HBA2: variants seen among roughly 807,000 people sequenced by gnomAD.
The protein encoded by HBA2 is hemoglobin subunit alpha 2.
A neutral mutation model predicts 5.6 loss-of-function variants in HBA2; 9 were observed. The observed-to-expected ratio is 1.60, with a 90% CI of 0.97 to 2.80. HBA2 has a LOEUF of 2.80. Among genes scored for constraint, HBA2 ranks in the 30% most tolerant of loss-of-function variants. The pLI is 0.00. For synonymous variants in HBA2, 38 were observed against 73.4 expected (o/e 0.52, Z 2.47); for missense variants, 86 against 152.1 (o/e 0.57, Z 2.29).
Position 173,335 on chromosome 16 carries a change from C to A in HBA2, c.300+6C>A. 1 of 1,583,804 alleles carries A rather than the reference C, an allele frequency of 6.3e-7. No homozygotes were observed. The highest frequency in any genetic ancestry group is 8.5e-7 in the Non-Finnish European group (1 of 1,171,476). ...TGGACCCGGTCAACTTCAAGGTGAG[C>A]GGCGGGCCGGGAGCGATCTGGGTCG... On this transcript the variant is annotated splice_donor_region_variant and intron_variant, in intron 2 of 2. Transcript: ENST00000251595.
chr16:173,657 C>T lies in HBA2; in HGVS notation c.*57C>T. 1 of 1,600,054 alleles carries T rather than the reference C, an allele frequency of 6.2e-7. No individual in the cohort carries two copies. Among genetic ancestry groups the T allele is most frequent in the Non-Finnish European group, 8.5e-7 (1 of 1,174,660 alleles). On this transcript the variant is annotated 3_prime_UTR_variant, in exon 3 of 3. Coordinates refer to ENST00000251595, the MANE Select transcript of HBA2 (RefSeq NM_000517.6). Reference sequence around the variant, plus strand: ...GCTGGGCCTCCCAACGGGCCCTCCTCCCCTCCTTGCACCGGCCCTTCCTGG... The same window carrying T: ...GCTGGGCCTCCCAACGGGCCCTCCTTCCCTCCTTGCACCGGCCCTTCCTGG...
rs1354539076 is a variant in HBA2, at chr16:173,338, C to A, written c.300+9C>A. The A allele has an allele frequency of 2.5e-6, 4 of 1,586,812 alleles. No individual in the cohort carries two copies. Among genetic ancestry groups the A allele is most frequent in the Middle Eastern group, 2.1e-4 (1 of 4,668 alleles). On this transcript the variant is annotated intron_variant, in intron 2 of 2. Coordinates refer to ENST00000251595, the MANE Select transcript of HBA2 (RefSeq NM_000517.6). ...ACCCGGTCAACTTCAAGGTGAGCGG[C>A]GGGCCGGGAGCGATCTGGGTCGAGG...
rs111264741 is a variant in HBA2, at chr16:173,393, A to G, written c.300+64A>G. ...AGATGGCGCCTTCCTCTCAGGGCAGAGGATCACGCGGGTTGCGGGAGGTGT... is the reference window on the plus strand; with the variant it reads ...AGATGGCGCCTTCCTCTCAGGGCAGGGGATCACGCGGGTTGCGGGAGGTGT... On this transcript the variant is annotated intron_variant, in intron 2 of 2. Transcript: ENST00000251595. The G allele has an allele frequency of 4.4e-4, 704 of 1,604,758 alleles. 97 individuals carry two copies. In the African/African-American group the frequency reaches 9.0e-3, roughly 21 times the overall value.
In HBA2 at chr16:173,677, T is replaced by C. The variant is rs3209698; in HGVS notation, c.*77T>C. The stretch of plus-strand genomic sequence containing the variant: ...CTCCTCCCCTCCTTGCACCGGCCCT[T>C]CCTGGTCTTTGAATAAAGTCTGAGT... On this transcript the variant is annotated 3_prime_UTR_variant, in exon 3 of 3. Transcript: ENST00000251595. 6.3e-7 allele frequency: 1 copy of C among 1,576,960 alleles called. No homozygotes were observed. The highest frequency in any genetic ancestry group is 8.6e-7 in the Non-Finnish European group (1 of 1,158,406).
Position 172,898 on chromosome 16 carries a change from C to G in HBA2, c.-15C>G, listed in dbSNP as rs1419850683. ...GGCACTCTTCTGGTCCCCACAGACT[C>G]AGAGAGAACCCACCATGGTGCTGTC... On this transcript the variant is annotated 5_prime_UTR_variant, in exon 1 of 3. Coordinates refer to ENST00000251595, the MANE Select transcript of HBA2 (RefSeq NM_000517.6). The G allele has an allele frequency of 9.8e-5, 23 of 234,884 alleles. 1 individual carries two copies. The highest frequency in any genetic ancestry group is 5.4e-4 in the South Asian group (22 of 41,040). 14.5% of individuals were successfully genotyped at this position (234,884 alleles called of 1,614,324 possible).
In HBA2 at chr16:173,598, TAAGC is replaced by T. The variant is rs1902064908; in HGVS notation, c.428_*2del. The T allele has an allele frequency of 6.2e-7, 1 of 1,608,140 alleles. No homozygotes were observed. Among genetic ancestry groups the T allele is most frequent in the Non-Finnish European group, 8.5e-7 (1 of 1,179,918 alleles). On this transcript the variant is annotated stop_lost and 3_prime_UTR_variant, in exon 3 of 3. Transcript: ENST00000251595. ...CACCGTGCTGACCTCCAAATACCGT[TAAGC>T]TGGAGCCTCGGTAGCCGTTCCTCCT...
In HBA2 at chr16:173,490, C is replaced by A. The variant is rs779038197; in HGVS notation, c.319C>A (p.Leu107Met). ...VNFKLLSHCL[L>M]VTLAAHLPAE... ...TGCACAGCTCCTAAGCCACTGCCTG[C>A]TGGTGACCCTGGCCGCCCACCTCCC... Residue 107 changes from leucine (L) to methionine (M), a missense_variant, in exon 3 of 3, where the codon CTG (leucine) becomes ATG (methionine). By Grantham distance (15) the Leu-to-Met change is conservative (BLOSUM62 2). Around this residue, in one of 3 missense-constraint regions of HBA2, gnomAD observed 44 missense variants for 54.8 expected, o/e 0.80. Coordinates refer to ENST00000251595, the MANE Select transcript of HBA2 (RefSeq NM_000517.6). 1.2e-6 allele frequency: 2 copies of A among 1,606,214 alleles called. No individual in the cohort carries two copies. Among genetic ancestry groups the A allele is most frequent in the East Asian group, 4.5e-5 (2 of 44,846 alleles).
chr16:173,671 G>C lies in HBA2; in HGVS notation c.*71G>C, dbSNP rs1902067974. On this transcript the variant is annotated 3_prime_UTR_variant, in exon 3 of 3. Transcript: ENST00000251595. ...CGGGCCCTCCTCCCCTCCTTGCACC[G>C]GCCCTTCCTGGTCTTTGAATAAAGT... The C allele has an allele frequency of 1.7e-5, 27 of 1,581,984 alleles. No individual in the cohort carries two copies. The highest frequency in any genetic ancestry group is 1.1e-4 in the East Asian group (5 of 44,424).
In HBA2 at chr16:173,476, T is replaced by C. The variant is rs281864542; in HGVS notation, c.305T>C (p.Leu102Pro). The change falls in exon 3 of 3, where the codon CTA becomes CCA. Residue 102 changes from leucine (L) to proline (P), a missense_variant. Coordinates refer to ENST00000251595, the MANE Select transcript of HBA2 (RefSeq NM_000517.6). ...LRVDPVNFKL[L>P]SHCLLVTLAA... ...CTGACCCTCTTCTCTGCACAGCTCC[T>C]AAGCCACTGCCTGCTGGTGACCCTG... 1 of 1,605,798 alleles carries C rather than the reference T, an allele frequency of 6.2e-7. No homozygotes were observed. Among genetic ancestry groups the C allele is most frequent in the Non-Finnish European group, 8.5e-7 (1 of 1,179,880 alleles).
At position 173,033 on chromosome 16, in the gene HBA2, C is replaced by A. The variant is rs1191378593; in HGVS notation, c.95+26C>A. 3.8e-5 allele frequency: 18 copies of A among 479,530 alleles called. 1 individual carries two copies. The highest frequency in any genetic ancestry group is 3.7e-4 in the South Asian group (18 of 49,220). The allele number at this position is 479,530 out of a possible 1,614,324, so 29.7% of individuals were successfully genotyped here. A position where few individuals can be genotyped will look rare whatever the true frequency, so the allele number is the denominator to read the frequency against. On this transcript the variant is annotated intron_variant, in intron 1 of 2. Coordinates refer to ENST00000251595, the MANE Select transcript of HBA2 (RefSeq NM_000517.6). ...GTGAGGCTCCCTCCCCTGCTCCGAC[C>A]CGGGCTCCTCGCCCGCCCGGACCCA...
chr16:173,386 A>C, intron 2 of HBA2, 57 bp downstream of exon 2: 16 of 1,604,228 alleles, frequency 1.0e-5, no homozygotes, highest in Non-Finnish European at 1.3e-5. Context: ...CCTTCCTCTC[A>C]GGGCAGAGGA....
At position 173,598 on chromosome 16, in the gene HBA2, T is replaced by A. The variant is rs41464951; in HGVS notation, c.427T>A (p.Ter143LysextTer31). 3 of 1,608,260 alleles carry A rather than the reference T, an allele frequency of 1.9e-6. No homozygotes were observed. Among genetic ancestry groups the A allele is most frequent in the Non-Finnish European group, 2.5e-6 (3 of 1,179,910 alleles). ...VSTVLTSKYR* is the reference protein window; with the variant it reads ...VSTVLTSKYRK ...CACCGTGCTGACCTCCAAATACCGT[T>A]AAGCTGGAGCCTCGGTAGCCGTTCC... is the stretch of plus-strand genomic sequence containing the variant. The change falls in exon 3 of 3, where the codon TAA becomes AAA. Residue 143 changes from the stop codon to lysine (K), a stop_lost. Coordinates refer to ENST00000251595, the MANE Select transcript of HBA2 (RefSeq NM_000517.6).
chr16:173,436 C>T (rs374396930), intron 2 of HBA2, 36 bp from the exon 3 acceptor site: 5 of 1,604,224 alleles, frequency 3.1e-6, no homozygotes, highest in Non-Finnish European at 4.2e-6. Flanking sequence ...GCGGCGGCTG[C>T]GGGCCTGGGC....
rs3020599 is a variant in HBA2, at chr16:173,632, G to C, written c.*32G>C. ...GCCTCGGTAGCCGTTCCTCCTGCCCGCTGGGCCTCCCAACGGGCCCTCCTC... is the reference window on the plus strand; with the variant it reads ...GCCTCGGTAGCCGTTCCTCCTGCCCCCTGGGCCTCCCAACGGGCCCTCCTC... On this transcript the variant is annotated 3_prime_UTR_variant, in exon 3 of 3. Transcript: ENST00000251595. The C allele has an allele frequency of 1.2e-6, 2 of 1,607,916 alleles. No homozygotes were observed. Among genetic ancestry groups the C allele is most frequent in the Admixed American group, 1.7e-5 (1 of 59,836 alleles).
At position 173,540 on chromosome 16, in the gene HBA2, C is replaced by G. The variant is rs41479347; in HGVS notation, c.369C>G (p.His123Gln). Residue 123 changes from histidine to glutamine, a missense_variant, in exon 3 of 3, where the codon CAC (histidine) becomes CAG (glutamine). His to Gln is a conservative substitution (Grantham distance 24). Around this residue, in one of 3 missense-constraint regions of HBA2, gnomAD observed 44 missense variants for 54.8 expected, o/e 0.80. Transcript: ENST00000251595. ...CCGCCGAGTTCACCCCTGCGGTGCACGCCTCCCTGGACAAGTTCCTGGCTT... is the reference window on the plus strand; with the variant it reads ...CCGCCGAGTTCACCCCTGCGGTGCAGGCCTCCCTGGACAAGTTCCTGGCTT... ...HLPAEFTPAVHASLDKFLASV... is the reference protein window; with the variant it reads ...HLPAEFTPAVQASLDKFLASV... 1.2e-4 allele frequency: 194 copies of G among 1,607,450 alleles called. 3 individuals carry two copies. The highest frequency in any genetic ancestry group is 7.1e-4 in the East Asian group (32 of 44,838).
In HBA2 at chr16:173,612, G is replaced by A. The variant is rs1336978136; in HGVS notation, c.*12G>A. 4 of 1,608,418 alleles carry A rather than the reference G, an allele frequency of 2.5e-6. No homozygotes were observed. The highest frequency in any genetic ancestry group is 1.1e-5 in the South Asian group (1 of 89,824). On this transcript the variant is annotated 3_prime_UTR_variant, in exon 3 of 3. Transcript: ENST00000251595. ...CCAAATACCGTTAAGCTGGAGCCTCGGTAGCCGTTCCTCCTGCCCGCTGGG... is the reference window on the plus strand; with the variant it reads ...CCAAATACCGTTAAGCTGGAGCCTCAGTAGCCGTTCCTCCTGCCCGCTGGG...
In HBA2 at chr16:173,629, C is replaced by A; in HGVS notation, c.*29C>A. 6.2e-7 allele frequency: 1 copy of A among 1,608,246 alleles called. No individual in the cohort carries two copies. The highest frequency in any genetic ancestry group is 8.5e-7 in the Non-Finnish European group (1 of 1,179,804). On this transcript the variant is annotated 3_prime_UTR_variant, in exon 3 of 3. Transcript: ENST00000251595. ...GGAGCCTCGGTAGCCGTTCCTCCTGCCCGCTGGGCCTCCCAACGGGCCCTC... is the reference window on the plus strand; with the variant it reads ...GGAGCCTCGGTAGCCGTTCCTCCTGACCGCTGGGCCTCCCAACGGGCCCTC...
rs281864817 is a variant in HBA2, at chr16:172,976, G to T, written c.64G>T (p.Ala22Ser). The change falls in exon 1 of 3, where the codon GCT (alanine) becomes TCT (serine). Residue 22 changes from alanine to serine, a missense_variant. This residue lies in a region of HBA2 where 17 missense variants were observed against 16.0 expected (regional missense o/e 1.06). Coordinates refer to ENST00000251595, the MANE Select transcript of HBA2 (RefSeq NM_000517.6). ...CGCCTGGGGTAAGGTCGGCGCGCAC[G>T]CTGGCGAGTATGGTGCGGAGGCCCT... ...KAAWGKVGAH[A>S]GEYGAEALER... 2.4e-6 allele frequency: 1 copy of T among 416,564 alleles called. No individual in the cohort carries two copies. The highest frequency in any genetic ancestry group is 4.0e-6 in the Non-Finnish European group (1 of 248,902). 25.8% of individuals were successfully genotyped at this position (416,564 alleles called of 1,614,324 possible).
Position 173,597 on chromosome 16 carries a change from T to G in HBA2, c.426T>G (p.Arg142=). 6.2e-7 allele frequency: 1 copy of G among 1,608,262 alleles called. No individual in the cohort carries two copies. Among genetic ancestry groups the G allele is most frequent in the African/African-American group, 1.4e-5 (1 of 71,064 alleles). Residue 142 remains arginine (R), a synonymous_variant, in exon 3 of 3, where the codon CGT becomes CGG. Transcript: ENST00000251595. ...GCACCGTGCTGACCTCCAAATACCG[T>G]TAAGCTGGAGCCTCGGTAGCCGTTC... ...SVSTVLTSKY[R]
Sources: gnomAD v4.1 joint callset for allele counts on GRCh38, gnomAD v4.1.1 for gene constraint, gnomAD v4.1.1 regional missense constraint, MANE v1.5 for transcripts, NCBI Gene and HGNC (gene_info 2026-07-23, HGNC 2026-07-21) for gene names.